CDH13: variants seen among roughly 807,000 people sequenced by gnomAD.
CDH13 encodes cadherin 13.
CDH13 carries 24 observed loss-of-function variants against 63.8 expected under a neutral mutation model. The observed-to-expected ratio is 0.38, with a 90% confidence interval of 0.27 to 0.53. The LOEUF (loss-of-function observed/expected upper bound fraction) is 0.53, where lower values mean the gene tolerates loss of function less well. Ranked by LOEUF, CDH13 falls within the 20% of genes least tolerant of loss-of-function variation. The pLI is 0.85. For missense variants in CDH13, 1,049 were observed against 903.1 expected (o/e 1.16, Z -2.07); for synonymous variants, 503 against 355.3 (o/e 1.42, Z -4.67).
rs535233429 is a variant in CDH13 at position 83,542,499 on chromosome 16, G to T, written c.960+55844G>T. ...TTCTCCCAACTTCCCAGGTGCATTC[G>T]TTTGCAACGGCTGTGGTAACAAAGC... On this transcript the variant is annotated intron_variant, in intron 7 of 13. Transcript: ENST00000567109. Among the ~76,000 whole-genome samples the T allele has an allele frequency of 9.2e-5, 14 of 152,278 alleles. 1 individual carries two copies. Among genetic ancestry groups the T allele is most frequent in the African/African-American group, 3.1e-4 (13 of 41,556 alleles).
chr16:82,982,734 G>A (rs888599530), intron 2 of CDH13, among the ~76,000 whole-genome samples: 1 of 152,152 alleles, frequency 6.6e-6, no homozygotes, highest in Non-Finnish European at 1.5e-5. Context: ...ACAAATACAA[G>A]TAAACGCATC....
chr16:83,120,145 C>G lies in CDH13; in HGVS notation c.367-5240C>G, dbSNP rs368542948. ...AGCAGCCCCCGAACCCTGTCCCTTC[C>G]AGGTACTGTTTTTCCCGAATCAGAG... On this transcript the variant is annotated intron_variant, in intron 3 of 13. Coordinates refer to ENST00000567109, the MANE Select transcript of CDH13 (RefSeq NM_001257.5). Among the ~76,000 whole-genome samples the G allele has an allele frequency of 1.9e-3, 291 of 152,210 alleles. 2 individuals are homozygous for G. Among genetic ancestry groups the G allele is most frequent in the African/African-American group, 6.7e-3 (280 of 41,502 alleles).
At chr16:83,472,753 A>C (rs2151541679) in intron 6 of CDH13, among the ~76,000 whole-genome samples, 1 of 152,342 alleles carries the variant, frequency 6.6e-6, no homozygotes, top group Admixed American at 6.5e-5. Flanking sequence ...ATTCATACAG[A>C]GTGTGCCAGA....
At chr16:83,671,066 A>G in intron 9 of CDH13, 94 bp downstream of exon 9, 2 of 1,095,200 alleles carry the variant, frequency 1.8e-6, no homozygotes, top group South Asian at 1.8e-5. Flanking sequence ...AAGGCCACAG[A>G]TAAATTCCCC....
intron 6 of CDH13, among the ~76,000 whole-genome samples, chr16:83,413,508 T>C (rs1487928274): frequency 6.6e-6 from 1 of 152,252 alleles, no homozygotes; most frequent in Non-Finnish European, 1.5e-5. Context: ...AATTTCATTA[T>C]GCAATGCGGT....
At chr16:82,814,604 C>T (rs1369413723) in intron 1 of CDH13, among the ~76,000 whole-genome samples, 2 of 152,170 alleles carry the variant, frequency 1.3e-5, no homozygotes, top group Non-Finnish European at 2.9e-5. Flanking sequence ...TTTCCACATA[C>T]CTTTCCCTAT....
At chr16:82,909,946 G>A (rs915474750) in intron 2 of CDH13, among the ~76,000 whole-genome samples, 1 of 152,142 alleles carries the variant, frequency 6.6e-6, no homozygotes, top group African/African-American at 2.4e-5. Context: ...GGTTACAAGA[G>A]GTTTTATTAA....
intron 2 of CDH13, among the ~76,000 whole-genome samples, chr16:82,871,365 G>C (rs980838811): frequency 1.3e-4 from 20 of 152,282 alleles, no homozygotes; most frequent in Non-Finnish European, 2.6e-4. Flanking sequence ...GAAGTCCTGA[G>C]ATGGGGACAG....
chr16:83,222,735 A>C (rs2039733294), intron 5 of CDH13, among the ~76,000 whole-genome samples: 1 of 152,122 alleles, frequency 6.6e-6, no homozygotes, highest in Admixed American at 6.5e-5. Flanking sequence ...CAACTAGTTT[A>C]CAAAGGAAGA....
In CDH13 at chr16:83,072,546, T is replaced by G. The variant is rs188201871; in HGVS notation, c.366+40328T>G. ...CTGTCAAAAGCTAGAGATGTTTGTG[T>G]GTTTTTGTCAATGGGATCACAAACT... On this transcript the variant is annotated intron_variant, in intron 3 of 13. Coordinates refer to ENST00000567109, the MANE Select transcript of CDH13 (RefSeq NM_001257.5). 3.1e-3 allele frequency among the ~76,000 whole-genome samples: 470 copies of G among 152,304 alleles called. 5 individuals are homozygous for G. The highest frequency in any genetic ancestry group is 9.3e-3 in the African/African-American group (385 of 41,560).
rs139656691 is a variant in CDH13, at chr16:83,553,837, G to A, written c.961-48617G>A. Among the ~76,000 whole-genome samples, 436 of 152,300 alleles carry A rather than the reference G, an allele frequency of 2.9e-3. 2 individuals carry two copies. Among genetic ancestry groups the A allele is most frequent in the African/African-American group, 9.4e-3 (389 of 41,562 alleles). ...CTCCCAAAGTGCTGGGATTACAGGC[G>A]TGAGCCACCACACCCAGCCCAAAGT... On this transcript the variant is annotated intron_variant, in intron 7 of 13. Coordinates refer to ENST00000567109, the MANE Select transcript of CDH13 (RefSeq NM_001257.5).
intron 8 of CDH13, among the ~76,000 whole-genome samples, chr16:83,648,221 G>T (rs890342017): frequency 3.9e-4 from 59 of 152,128 alleles, no homozygotes; most frequent in African/African-American, 1.3e-3. Flanking sequence ...CACATGTCTG[G>T]CCGTGTGTTC....
chr16:83,192,529 A>T (rs1362898562), intron 4 of CDH13, among the ~76,000 whole-genome samples: 1 of 152,186 alleles, frequency 6.6e-6, no homozygotes, highest in African/African-American at 2.4e-5. Flanking sequence ...GAGAAAAGTG[A>T]TATCCCCAGA....
At chr16:83,674,102 C>G (rs555384096) in intron 9 of CDH13, among the ~76,000 whole-genome samples, 6 of 152,182 alleles carry the variant, frequency 3.9e-5, no homozygotes, top group Non-Finnish European at 5.9e-5. Flanking sequence ...TGCTGCTGTC[C>G]ACTGTGCCAG....
intron 1 of CDH13, among the ~76,000 whole-genome samples, chr16:82,856,133 T>C (rs894288743): frequency 6.6e-6 from 1 of 151,836 alleles, no homozygotes; most frequent in African/African-American, 2.4e-5. Context: ...TCCCAGCACT[T>C]TGGGAGGCCG....
chr16:83,645,991 T>C (rs2150810654), intron 8 of CDH13, among the ~76,000 whole-genome samples: 1 of 152,340 alleles, frequency 6.6e-6, no homozygotes, highest in South Asian at 2.1e-4. Context: ...GGGAAATGTC[T>C]GCTGTAGGTT....
At chr16:82,858,847 C>T (rs571133398) in intron 2 of CDH13, 11 of 292,246 alleles carry the variant, frequency 3.8e-5, no homozygotes, top group Admixed American at 2.4e-4. Flanking sequence ...CCTGTAGTTT[C>T]TCATACATAG....
At chr16:82,831,511 A>C (rs1025510041) in intron 1 of CDH13, among the ~76,000 whole-genome samples, 6 of 152,156 alleles carry the variant, frequency 3.9e-5, no homozygotes, top group African/African-American at 1.4e-4. Flanking sequence ...AGAAGCAGCA[A>C]AGGAAACAAC....
At chr16:83,019,793 G>A (rs1198926654) in intron 2 of CDH13, among the ~76,000 whole-genome samples, 1 of 144,722 alleles carries the variant, frequency 6.9e-6, no homozygotes, top group African/African-American at 2.6e-5. Context: ...ACCATGCCCG[G>A]CCAGTAAACC....
Sources: allele counts gnomAD v4.1 joint callset (sites outside exome capture counted in the v4.1 genomes callset), GRCh38; gene constraint gnomAD v4.1.1; transcripts MANE v1.5; gene names NCBI Gene and HGNC (gene_info 2026-07-23, HGNC 2026-07-21).